KYAT1: variants seen among roughly 807,000 people sequenced by gnomAD.
The protein encoded by KYAT1 is kynurenine--oxoglutarate transaminase 1.
KYAT1 carries 47 observed loss-of-function variants against 52.4 expected under a neutral mutation model. The observed-to-expected ratio is 0.90, with a 90% CI of 0.71 to 1.14. The LOEUF is 1.14. Ranked by LOEUF, KYAT1 falls within the 50% of genes most tolerant of loss-of-function variation. The probability of loss-of-function intolerance (pLI) is 0.00; values close to 1 mark genes in which losing one functional copy is unlikely to be tolerated. For synonymous variants in KYAT1, 212 were observed against 209.6 expected (o/e 1.01, Z -0.10); for missense variants, 480 against 557.9 (o/e 0.86, Z 1.41).
rs552856742 is a variant in KYAT1 at position 128,880,121 on chromosome 9, A to G, written c.-7+1776T>C. 2.4e-4 allele frequency among the ~76,000 whole-genome samples: 36 copies of G among 152,312 alleles called. No homozygotes were observed. In the South Asian group the frequency reaches 4.4e-3, roughly 18 times the overall value. On this transcript the variant is annotated intron_variant, in intron 1 of 12. Transcript: ENST00000302586. ...TAATACGTGGGAACATTCACTGTCT[A>G]CAACTGTGGTTCTGGTTGTTCATTT...
chr9:128,868,112 AAGAC>A lies in KYAT1; in HGVS notation c.-7+13781_-7+13784del, dbSNP rs372341418. 1.1e-4 allele frequency among the ~76,000 whole-genome samples: 17 copies of A among 152,010 alleles called. No individual in the cohort carries two copies. In the East Asian group the frequency reaches 2.9e-3, roughly 26 times the overall value. On this transcript the variant is annotated intron_variant, in intron 1 of 12. Coordinates refer to ENST00000302586, the MANE Select transcript of KYAT1 (RefSeq NM_004059.5). The stretch of plus-strand genomic sequence containing the variant: ...ATTAGAATAGTGTGGTATTACCATA[AAGAC>A]AGACATAGACCCATGGAATAAAATT...
intron 10 of KYAT1, 26 bp downstream of exon 10, chr9:128,835,455 T>C: frequency 6.2e-7 from 1 of 1,613,822 alleles, no homozygotes. Context: ...CCCTGCGCCC[T>C]GCCCAGACCG....
intron 1 of KYAT1, among the ~76,000 whole-genome samples, chr9:128,880,665 A>G (rs932711689): frequency 1.3e-5 from 2 of 151,890 alleles, no homozygotes; most frequent in African/African-American, 4.8e-5. Flanking sequence ...GATGGTCTCG[A>G]TCTACTGACC....
intron 1 of KYAT1, among the ~76,000 whole-genome samples, chr9:128,854,426 G>T (rs931727872): frequency 6.6e-6 from 1 of 152,220 alleles, no homozygotes; most frequent in African/African-American, 2.4e-5. Flanking sequence ...AGGTGATAAC[G>T]TGGGGGAGAG....
chr9:128,869,835 C>A (rs1836978468), intron 1 of KYAT1, among the ~76,000 whole-genome samples: 1 of 151,484 alleles, frequency 6.6e-6, no homozygotes, highest in South Asian at 2.1e-4. Context: ...CTCACTGCAA[C>A]CTCTGCCTCC....
At chr9:128,837,057 G>A (rs1454938934) in intron 6 of KYAT1, 135 bp from the exon 7 acceptor site, 1 of 1,124,608 alleles carries the variant, frequency 8.9e-7, no homozygotes, top group Non-Finnish European at 1.2e-6. Context: ...ACTTTGGGAG[G>A]CCGAGGCGGG....
chr9:128,845,284 G>T (rs1832884342), intron 2 of KYAT1, 69 bp downstream of exon 2: 4 of 1,345,508 alleles, frequency 3.0e-6, no homozygotes, highest in South Asian at 2.4e-5. Flanking sequence ...CTGAGTTGCT[G>T]TAAACCCAGG....
chr9:128,836,759 C>T (rs367794158), intron 7 of KYAT1, 43 bp downstream of exon 7: 2 of 1,602,344 alleles, frequency 1.2e-6, no homozygotes, highest in Non-Finnish European at 8.5e-7. Flanking sequence ...CAAGGCCCTC[C>T]CACCAATGTG....
At position 128,842,666 on chromosome 9, in the gene KYAT1, G is replaced by A. The variant is rs758333984; in HGVS notation, c.189C>T (p.Tyr63=). The change falls in exon 3 of 13, where the codon TAC becomes TAT. Residue 63 remains tyrosine, a synonymous_variant. Transcript: ENST00000302586. ...AVSGDFMLNQ[Y]TKTFGYPPLT... Reference sequence around the variant, plus strand: ...TGGGGAGACTCACAAATGTCTTGGTGTACTGGTTAAGCATGAAGTCTCCAC... The same window carrying A: ...TGGGGAGACTCACAAATGTCTTGGTATACTGGTTAAGCATGAAGTCTCCAC... 3.1e-6 allele frequency: 5 copies of A among 1,613,988 alleles called. No homozygotes were observed. The highest frequency in any genetic ancestry group is 8.5e-7 in the Non-Finnish European group (1 of 1,179,894).
intron 1 of KYAT1, among the ~76,000 whole-genome samples, chr9:128,881,247 A>AT (rs1164064625): frequency 3.3e-5 from 5 of 151,786 alleles, no homozygotes; most frequent in African/African-American, 9.7e-5. Context: ...CGCCCGGCTG[A>AT]TTTTTTTGTA....
chr9:128,874,757 C>G (rs1230297131), intron 1 of KYAT1, among the ~76,000 whole-genome samples: 1 of 135,684 alleles, frequency 7.4e-6, no homozygotes, highest in East Asian at 2.2e-4. Context: ...CGGAGTCTCG[C>G]TCTGTCACTC....
chr9:128,857,401 T>C (rs2130599052), intron 1 of KYAT1, among the ~76,000 whole-genome samples: 1 of 152,278 alleles, frequency 6.6e-6, no homozygotes, highest in Middle Eastern at 3.4e-3. Context: ...CTTTTCTCAG[T>C]CTCTCGTCCC....
chr9:128,845,483 G>C, intron 1 of KYAT1, 72 bp from the exon 2 acceptor site: 1 of 1,430,548 alleles, frequency 7.0e-7, no homozygotes, highest in Non-Finnish European at 9.8e-7. Context: ...GCACACAGGA[G>C]GGACAGCTGC....
At chr9:128,865,343 A>T (rs1564491719) in intron 1 of KYAT1, among the ~76,000 whole-genome samples, 94 of 1,858 alleles carry the variant, frequency 0.051, 5 homozygotes, top group East Asian at 0.15. Context: ...ATATATATAT[A>T]TATATATATA....
At chr9:128,846,039 G>C (rs377153942) in intron 1 of KYAT1, among the ~76,000 whole-genome samples, 1 of 152,198 alleles carries the variant, frequency 6.6e-6, no homozygotes, top group South Asian at 2.1e-4. Context: ...GCACTAATCC[G>C]CTCCTCGGAG....
intron 1 of KYAT1, among the ~76,000 whole-genome samples, chr9:128,853,452 C>T (rs1359902439): frequency 6.6e-6 from 1 of 152,112 alleles, no homozygotes; most frequent in African/African-American, 2.4e-5. Flanking sequence ...TTCAGTGTTA[C>T]AAGGTTTTAA....
At chr9:128,845,272 T>C (rs1832882211) in intron 2 of KYAT1, 81 bp downstream of exon 2, 1 of 1,109,678 alleles carries the variant, frequency 9.0e-7, no homozygotes, top group Non-Finnish European at 1.4e-6. Flanking sequence ...TCTGGAGTAC[T>C]ACTGAGTTGC....
At chr9:128,870,154 A>G (rs1837032850) in intron 1 of KYAT1, among the ~76,000 whole-genome samples, 1 of 152,204 alleles carries the variant, frequency 6.6e-6, no homozygotes, top group Non-Finnish European at 1.5e-5. Context: ...AACTGAAAAC[A>G]TATGTCCACA....
At chr9:128,843,558 T>G (rs971718998) in intron 2 of KYAT1, among the ~76,000 whole-genome samples, 1 of 152,084 alleles carries the variant, frequency 6.6e-6, no homozygotes, top group Non-Finnish European at 1.5e-5. Flanking sequence ...TTTGTATTTT[T>G]AGTACAGATG....
Sources: gnomAD v4.1 joint callset for allele counts (sites outside exome capture counted in the v4.1 genomes callset) on GRCh38, gnomAD v4.1.1 for gene constraint, MANE v1.5 for transcripts, NCBI Gene and HGNC (gene_info 2026-07-23, HGNC 2026-07-21) for gene names.